The following CARF variants were observed in gnomAD, a reference collection of about 807,000 sequenced individuals.
The protein encoded by CARF is calcium responsive transcription factor.
In CARF, 57 loss-of-function variants were observed where a neutral mutation model predicts 82.0. The ratio of observed to expected loss-of-function variants is 0.70; its 90% CI spans 0.56 to 0.87. CARF has a LOEUF of 0.87. CARF is among the 40% of genes least tolerant of loss of function. The pLI is 0.00. For synonymous variants in CARF, 268 were observed against 290.1 expected, an observed-to-expected ratio of 0.92 and a Z score of 0.77; for missense variants, 771 against 855.8, an observed-to-expected ratio of 0.90 and a Z score of 1.24.
intron 2 of CARF, among the ~76,000 whole-genome samples, chr2:202,921,201 C>T (rs1027656618): frequency 2.6e-5 from 4 of 152,232 alleles, no homozygotes; most frequent in Admixed American, 2.6e-4. Flanking sequence ...CGGGGTTTCA[C>T]CATGTTAGCC....
intron 3 of CARF, among the ~76,000 whole-genome samples, chr2:202,940,605 A>AT (rs1403409286): frequency 6.6e-6 from 1 of 151,902 alleles, no homozygotes; most frequent in Non-Finnish European, 1.5e-5. Flanking sequence ...TAGTAGCTGC[A>AT]TTTTTTTCTT....
chr2:202,927,568 T>G (rs1692086655), intron 3 of CARF, among the ~76,000 whole-genome samples: 1 of 151,976 alleles, frequency 6.6e-6, no homozygotes, highest in Non-Finnish European at 1.5e-5. Context: ...AATTGACACA[T>G]AATTGTATAA....
intron 2 of CARF, among the ~76,000 whole-genome samples, chr2:202,923,729 A>G (rs1343286778): frequency 6.6e-6 from 1 of 152,244 alleles, no homozygotes; most frequent in South Asian, 2.1e-4. Context: ...GAACTATACT[A>G]TAAGGCTGTA....
chr2:202,938,044 T>G (rs1694233060), intron 3 of CARF, among the ~76,000 whole-genome samples: 1 of 152,154 alleles, frequency 6.6e-6, no homozygotes, highest in African/African-American at 2.4e-5. Context: ...AAATGGGGTA[T>G]CCATCCCCTC....
At chr2:202,924,956 C>T (rs72936870) in intron 3 of CARF, 29,150 of 317,884 alleles carry the variant, frequency 0.092, 1,693 homozygotes, top group Non-Finnish European at 0.12. Context: ...GCCCCCTTCA[C>T]TGAGAAGGTA....
At chr2:202,973,965 G>A (rs1353830430) in intron 12 of CARF, among the ~76,000 whole-genome samples, 6 of 152,074 alleles carry the variant, frequency 3.9e-5, no homozygotes, top group African/African-American at 1.4e-4. Context: ...GCACACTCCT[G>A]TAGTCCCAGC....
chr2:202,933,051 ACTGGAGAGGCATGACTGCT>A (rs1693240606), intron 3 of CARF, among the ~76,000 whole-genome samples: 1 of 152,122 alleles, frequency 6.6e-6, no homozygotes, highest in Non-Finnish European at 1.5e-5. Context: ...CACCTTATGC[ACTGGAGAGGCATGACTGCT>A]CTGAGCAGCT....
At chr2:202,920,320 TG>T (rs1317531821) in intron 2 of CARF, among the ~76,000 whole-genome samples, 5 of 152,134 alleles carry the variant, frequency 3.3e-5, no homozygotes, top group Non-Finnish European at 5.9e-5. Context: ...GCCCGGCTAA[TG>T]TTTTTTTGTA....
chr2:202,954,078 C>T lies in CARF; in HGVS notation c.501C>T (p.Ser167=). ...TGGATACTCTAGCAGACAATACCAG[C>T]AATTACATTCTTCATCCTCAAACAT... ...VRVDTLADNT[S]NYILHPQTSF... Residue 167 remains serine (S), a synonymous_variant, in exon 7 of 17, where the codon AGC becomes AGT. Transcript: ENST00000438828. The T allele has an allele frequency of 6.2e-7, 1 of 1,613,752 alleles. No individual in the cohort carries two copies. Among genetic ancestry groups the T allele is most frequent in the Middle Eastern group, 1.6e-4 (1 of 6,062 alleles).
chr2:202,962,597 T>A (rs1260987746), intron 9 of CARF: 1 of 152,222 alleles, frequency 6.6e-6, no homozygotes, highest in Non-Finnish European at 1.5e-5. Flanking sequence ...AGCTACTACA[T>A]GAATTTCATG....
At chr2:202,966,582 C>T (rs966334738) in intron 9 of CARF, among the ~76,000 whole-genome samples, 6 of 152,158 alleles carry the variant, frequency 3.9e-5, no homozygotes, top group Non-Finnish European at 7.4e-5. Flanking sequence ...TGGTGGCACA[C>T]GCCTATAGTC....
chr2:202,950,824 T>G lies in CARF; in HGVS notation c.307-1735T>G, dbSNP rs796830309. ...GCACGTGTAAGCAGTTGTCATCAGTTTGCAGTTGCTGTTTCATGCTAAAGT... is the reference window on the plus strand; with the variant it reads ...GCACGTGTAAGCAGTTGTCATCAGTGTGCAGTTGCTGTTTCATGCTAAAGT... On this transcript the variant is annotated intron_variant, in intron 5 of 16. Transcript: ENST00000438828. Among the ~76,000 whole-genome samples, 90 of 152,204 alleles carry G rather than the reference T, an allele frequency of 5.9e-4. 6 individuals carry two copies. The highest frequency in any genetic ancestry group is 2.0e-4 in the Admixed American group (3 of 15,272).
chr2:202,929,632 T>C (rs1414787753), intron 3 of CARF, among the ~76,000 whole-genome samples: 1 of 152,248 alleles, frequency 6.6e-6, no homozygotes, highest in Non-Finnish European at 1.5e-5. Flanking sequence ...CTTCTAGCTT[T>C]GTTCTTTTTG....
At chr2:202,933,676 AT>A (rs1693391360) in intron 3 of CARF, among the ~76,000 whole-genome samples, 3 of 152,124 alleles carry the variant, frequency 2.0e-5, no homozygotes, top group Admixed American at 2.0e-4. Context: ...TTTTGTTAAA[AT>A]GTAGTTGTTT....
chr2:202,978,165 A>G (rs1192848274), intron 14 of CARF, among the ~76,000 whole-genome samples: 1 of 152,226 alleles, frequency 6.6e-6, no homozygotes, highest in Non-Finnish European at 1.5e-5. Flanking sequence ...AATTTCTATA[A>G]TGAGCATCTG....
At chr2:202,982,706 T>C (rs911339610) in intron 16 of CARF, among the ~76,000 whole-genome samples, 1 of 152,124 alleles carries the variant, frequency 6.6e-6, no homozygotes, top group Middle Eastern at 3.4e-3. Context: ...GGAAAATCTG[T>C]GGTAATGTGA....
chr2:202,951,462 A>G (rs1229433993), intron 5 of CARF, among the ~76,000 whole-genome samples: 4 of 152,108 alleles, frequency 2.6e-5, no homozygotes, highest in African/African-American at 9.7e-5. Context: ...TGCACTAAAG[A>G]GGTAATAGGA....
intron 14 of CARF, among the ~76,000 whole-genome samples, chr2:202,977,970 C>T (rs1446379285): frequency 6.6e-6 from 1 of 152,040 alleles, no homozygotes; most frequent in East Asian, 1.9e-4. Context: ...CTCAGCCTCC[C>T]GAGTAGCTGG....
At chr2:202,950,348 T>C (rs1196695724) in intron 5 of CARF, among the ~76,000 whole-genome samples, 1 of 152,194 alleles carries the variant, frequency 6.6e-6, no homozygotes, top group Admixed American at 6.5e-5. Context: ...TTGTGTTTAA[T>C]TTTGATTTAA....
Sources: gnomAD v4.1 joint callset for allele counts (sites outside exome capture counted in the v4.1 genomes callset) on GRCh38, gnomAD v4.1.1 for gene constraint, MANE v1.5 for transcripts, NCBI Gene and HGNC (gene_info 2026-07-23, HGNC 2026-07-21) for gene names.